RGS22: variants seen among roughly 807,000 people sequenced by gnomAD.
RGS22 encodes the protein regulator of G protein signaling 22.
RGS22 carries 148 observed loss-of-function variants against 172.9 expected under a neutral mutation model. That is an observed-to-expected ratio of 0.86 (90% CI 0.75 to 0.98). The LOEUF is 0.98. RGS22 is among the 50% of genes least tolerant of loss of function. The pLI, the probability that RGS22 is intolerant of heterozygous loss-of-function variation, is 0.00. For missense variants in RGS22, 1,347 were observed against 1,440.8 expected (o/e 0.93, Z 1.05); for synonymous variants, 458 against 480.2 (o/e 0.95, Z 0.60).
chr8:100,083,322 C>T (rs558237522), intron 3 of RGS22, among the ~76,000 whole-genome samples: 6 of 152,244 alleles, frequency 3.9e-5, no homozygotes, highest in Non-Finnish European at 5.9e-5. Flanking sequence ...ATACTGTCCC[C>T]GTCACATGCA....
intron 23 of RGS22, among the ~76,000 whole-genome samples, chr8:99,969,364 A>T (rs1337175532): frequency 6.6e-6 from 1 of 152,244 alleles, no homozygotes; most frequent in African/African-American, 2.4e-5. Context: ...TAGCATCATG[A>T]TGACAGGATC....
At chr8:100,056,596 G>C (rs900416943) in intron 9 of RGS22, among the ~76,000 whole-genome samples, 3 of 152,134 alleles carry the variant, frequency 2.0e-5, no homozygotes, top group Non-Finnish European at 4.4e-5. Context: ...ATGGCTAAAG[G>C]GGGGCAAGGC....
In RGS22 at chr8:100,005,961, G is replaced by A. The variant is rs569882179; in HGVS notation, c.2454+56C>T. The A allele has an allele frequency of 7.0e-5, 91 of 1,308,702 alleles. No homozygotes were observed. The South Asian group carries it at 1.0e-3, about 15-fold the overall frequency. 81.1% of individuals were successfully genotyped at this position (1,308,702 alleles called of 1,614,324 possible). On this transcript the variant is annotated intron_variant, in intron 16 of 27. Coordinates refer to ENST00000360863, the MANE Select transcript of RGS22 (RefSeq NM_015668.5). ...AATCTCCCCCTGCCCCATACATAAA[G>A]TGGTAACCCTCTCCAGGATAAAAAG...
chr8:99,978,161 T>C, intron 22 of RGS22, 86 bp from the exon 23 acceptor site: 1 of 704,010 alleles, frequency 1.4e-6, no homozygotes, highest in East Asian at 3.3e-5. Context: ...TTAACTATTA[T>C]ATCTTTAATA....
chr8:100,073,940 AAAGT>A (rs1433666931), intron 4 of RGS22, among the ~76,000 whole-genome samples: 1 of 152,238 alleles, frequency 6.6e-6, no homozygotes, highest in African/African-American at 2.4e-5. Flanking sequence ...ATGGTTTTAA[AAAGT>A]AACTAAATAC....
intron 14 of RGS22, among the ~76,000 whole-genome samples, chr8:100,021,652 GA>G (rs1200801556): frequency 1.3e-5 from 2 of 151,946 alleles, no homozygotes; most frequent in Admixed American, 6.6e-5. Flanking sequence ...CAACAACAAA[GA>G]AACCATATTG....
intron 6 of RGS22, among the ~76,000 whole-genome samples, chr8:100,069,491 TA>T (rs1316148968): frequency 6.6e-6 from 1 of 152,248 alleles, no homozygotes; most frequent in African/African-American, 2.4e-5. Context: ...GATTCTAGGT[TA>T]AATCTCTTCA....
intron 2 of RGS22, among the ~76,000 whole-genome samples, chr8:100,099,654 C>A (rs1172925139): frequency 6.6e-6 from 1 of 152,160 alleles, no homozygotes; most frequent in Non-Finnish European, 1.5e-5. Flanking sequence ...GGACTGTTAA[C>A]AGTTTCTGTA....
intron 14 of RGS22, among the ~76,000 whole-genome samples, chr8:100,016,684 G>A (rs928278949): frequency 1.1e-4 from 16 of 152,112 alleles, no homozygotes; most frequent in African/African-American, 3.6e-4. Flanking sequence ...GGCTGAGGTA[G>A]GAGAATGGCG....
intron 24 of RGS22, 45 bp downstream of exon 24, chr8:99,965,290 A>G (rs562323424): frequency 9.4e-5 from 123 of 1,306,064 alleles, no homozygotes; most frequent in Non-Finnish European, 1.2e-4. Context: ...CCACTATCCA[A>G]TGCTCCAGCG....
intron 23 of RGS22, among the ~76,000 whole-genome samples, chr8:99,971,387 C>T (rs915408362): frequency 3.9e-5 from 6 of 152,036 alleles, no homozygotes; most frequent in African/African-American, 1.5e-4. Context: ...GGCAATCAGG[C>T]AAGAGAAAGA....
intron 10 of RGS22, among the ~76,000 whole-genome samples, chr8:100,049,378 G>A (rs1223364093): frequency 6.6e-6 from 1 of 152,166 alleles, no homozygotes; most frequent in African/African-American, 2.4e-5. Flanking sequence ...AGGAGACAGA[G>A]AGTGAGACCA....
chr8:100,059,142 T>G (rs536469268), intron 9 of RGS22, among the ~76,000 whole-genome samples: 1 of 151,494 alleles, frequency 6.6e-6, no homozygotes, highest in Non-Finnish European at 1.5e-5. Flanking sequence ...AAACATACAA[T>G]GGATACACAA....
chr8:100,104,803 T>C (rs1236871093), intron 2 of RGS22, among the ~76,000 whole-genome samples: 1 of 152,204 alleles, frequency 6.6e-6, no homozygotes, highest in Non-Finnish European at 1.5e-5. Flanking sequence ...ACAGCTCCTA[T>C]TTGTCTGTGT....
chr8:100,099,161 G>A lies in RGS22; in HGVS notation c.55-5652C>T, dbSNP rs1034170541. On this transcript the variant is annotated intron_variant, in intron 2 of 27. Coordinates refer to ENST00000360863, the MANE Select transcript of RGS22 (RefSeq NM_015668.5). ...AATCTCCTGACTTCATGATCCACCC[G>A]CCTCGGCCTCTCAAAGTGCTGGGAT... 5.3e-4 allele frequency among the ~76,000 whole-genome samples: 80 copies of A among 151,996 alleles called. 1 individual carries two copies. The highest frequency in any genetic ancestry group is 1.8e-3 in the African/African-American group (76 of 41,452).
rs375681044 is a variant in RGS22 at position 99,962,688 on chromosome 8, C to G, written c.3789G>C (p.Gln1263His). ...AGATAGACTACACTGGAAACTCACT[C>G]TGGCTGCTGTGGGCAGACATATTCT... ...LKKNMSAHSS[Q>H]K Residue 1263 changes from glutamine (Q) to histidine (H), a missense_variant and splice_region_variant, in exon 26 of 28, where the codon CAG becomes CAC. Coordinates refer to ENST00000360863, the MANE Select transcript of RGS22 (RefSeq NM_015668.5). The G allele has an allele frequency of 1.3e-6, 2 of 1,596,732 alleles. No homozygotes were observed. The highest frequency in any genetic ancestry group is 2.7e-5 in the African/African-American group (2 of 73,530).
At chr8:100,015,142 G>A (rs772555658) in intron 14 of RGS22, among the ~76,000 whole-genome samples, 4 of 152,168 alleles carry the variant, frequency 2.6e-5, no homozygotes, top group Non-Finnish European at 2.9e-5. Flanking sequence ...TTTCTTCCCT[G>A]AACTCAAAAC....
intron 4 of RGS22, among the ~76,000 whole-genome samples, chr8:100,077,071 AT>A (rs199647626): frequency 0.023 from 3,461 of 151,866 alleles, 63 homozygotes; most frequent in South Asian, 0.037. Flanking sequence ...AAATTCTCTT[AT>A]TTTTTTTAAC....
At chr8:100,055,091 A>T (rs1470188851) in intron 9 of RGS22, among the ~76,000 whole-genome samples, 3 of 152,214 alleles carry the variant, frequency 2.0e-5, no homozygotes. Flanking sequence ...GCCACCCTGA[A>T]GGGAAGGACA....
Sources: gnomAD v4.1 joint callset for allele counts (sites outside exome capture counted in the v4.1 genomes callset) on GRCh38, gnomAD v4.1.1 for gene constraint, MANE v1.5 for transcripts, NCBI Gene and HGNC (gene_info 2026-07-23, HGNC 2026-07-21) for gene names.